TUNAR: variants seen among roughly 807,000 people sequenced by gnomAD.
TUNAR encodes the protein transmembrane neural differentiation associated intracellular calcium regulator.
chr14:95,906,667 T>C (rs1889431576), intron 2 of TUNAR, among the ~76,000 whole-genome samples: 1 of 152,230 alleles, frequency 6.6e-6, no homozygotes, highest in Non-Finnish European at 1.5e-5. Context: ...CCCTTCAGTG[T>C]GGTAATACTA....
intron 2 of TUNAR, among the ~76,000 whole-genome samples, chr14:95,877,604 TAATC>T (rs1031068065): frequency 3.9e-5 from 6 of 152,132 alleles, no homozygotes; most frequent in African/African-American, 1.2e-4. Context: ...TTGAATGACT[TAATC>T]AAGGTCACAA....
chr14:95,879,896 C>T (rs1888952135), intron 2 of TUNAR, among the ~76,000 whole-genome samples: 1 of 152,194 alleles, frequency 6.6e-6, no homozygotes, highest in African/African-American at 2.4e-5. Context: ...GGCTTGAGAC[C>T]ATGCCCTCAT....
exon 3 of TUNAR, chr14:95,923,173 A>G: frequency 7.8e-6 from 3 of 383,344 alleles, no homozygotes; most frequent in Non-Finnish European, 1.4e-5. Context: ...TGATTCCAAC[A>G]AAACTCATTC....
At chr14:95,877,720 C>G (rs970041909) in intron 2 of TUNAR, among the ~76,000 whole-genome samples, 3 of 152,226 alleles carry the variant, frequency 2.0e-5, no homozygotes, top group African/African-American at 7.2e-5. Context: ...CTTCTACTAA[C>G]TGCTTCCGTC....
In TUNAR at chr14:95,907,047, C is replaced by T. The variant is rs922586526; in HGVS notation, c.13-15734C>T. Among the ~76,000 whole-genome samples, 3 of 152,178 alleles carry T rather than the reference C, an allele frequency of 2.0e-5. No homozygotes were observed. The South Asian group carries it at 6.2e-4, about 32-fold the overall frequency. Reference sequence around the variant, plus strand: ...TAGCATACTGTTGTATGTTACATGTCTGTTGCATGCACTTTCACACTTTGC... The same window carrying T: ...TAGCATACTGTTGTATGTTACATGTTTGTTGCATGCACTTTCACACTTTGC... On this transcript the variant is annotated intron_variant, in intron 2 of 2. Transcript: ENST00000678517.
chr14:95,906,359 G>A (rs1206436204), intron 2 of TUNAR, among the ~76,000 whole-genome samples: 1 of 152,086 alleles, frequency 6.6e-6, no homozygotes, highest in Non-Finnish European at 1.5e-5. Flanking sequence ...TGTTTATACT[G>A]GTATCTCTAA....
At chr14:95,879,936 G>A (rs2139649987) in intron 2 of TUNAR, among the ~76,000 whole-genome samples, 1 of 152,270 alleles carries the variant, frequency 6.6e-6, no homozygotes, top group East Asian at 1.9e-4. Context: ...AGCATCATGG[G>A]GACACAGCCT....
chr14:95,898,133 G>A (rs1012227413), intron 2 of TUNAR, among the ~76,000 whole-genome samples: 6 of 152,152 alleles, frequency 3.9e-5, no homozygotes, highest in African/African-American at 1.2e-4. Flanking sequence ...AAAGTAAAGT[G>A]TCTGAAAATG....
At chr14:95,886,002 A>C (rs1889070165) in intron 2 of TUNAR, among the ~76,000 whole-genome samples, 1 of 152,150 alleles carries the variant, frequency 6.6e-6, no homozygotes, top group African/African-American at 2.4e-5. Flanking sequence ...GAAGGAAAGC[A>C]AGGTAGCCGC....
chr14:95,900,893 G>A (rs1290535391), intron 2 of TUNAR, among the ~76,000 whole-genome samples: 1 of 152,230 alleles, frequency 6.6e-6, no homozygotes, highest in Non-Finnish European at 1.5e-5. Context: ...GTAAAGGACA[G>A]ATGTAGCTCA....
chr14:95,883,937 G>A (rs550841034), intron 2 of TUNAR, among the ~76,000 whole-genome samples: 3 of 152,062 alleles, frequency 2.0e-5, no homozygotes, highest in East Asian at 1.9e-4. Flanking sequence ...CTTCCAGGTC[G>A]CTCTCACCTT....
At chr14:95,917,269 G>C (rs935038980) in intron 2 of TUNAR, among the ~76,000 whole-genome samples, 1 of 152,058 alleles carries the variant, frequency 6.6e-6, no homozygotes, top group Non-Finnish European at 1.5e-5. Flanking sequence ...TTTTCATACA[G>C]ATACTCAGGT....
At chr14:95,921,174 T>A (rs1889691357) in intron 2 of TUNAR, among the ~76,000 whole-genome samples, 1 of 152,226 alleles carries the variant, frequency 6.6e-6, no homozygotes, top group African/African-American at 2.4e-5. Flanking sequence ...ACAGTCTGAT[T>A]TCTTCAGTCT....
At chr14:95,886,207 G>A (rs764544009) in intron 2 of TUNAR, among the ~76,000 whole-genome samples, 1 of 152,168 alleles carries the variant, frequency 6.6e-6, no homozygotes, top group South Asian at 2.1e-4. Flanking sequence ...ACATTTGCCC[G>A]CCAGCTTCCC....
chr14:95,909,983 G>A (rs2139667474), intron 2 of TUNAR, among the ~76,000 whole-genome samples: 1 of 152,296 alleles, frequency 6.6e-6, no homozygotes, highest in Non-Finnish European at 1.5e-5. Flanking sequence ...GGTGGGACTG[G>A]AATGTGGGGG....
At chr14:95,914,832 T>C (rs1356055077) in intron 2 of TUNAR, among the ~76,000 whole-genome samples, 1 of 152,050 alleles carries the variant, frequency 6.6e-6, no homozygotes, top group African/African-American at 2.4e-5. Flanking sequence ...CCCAGTCACA[T>C]AGCTGATAAA....
rs138398807 is a variant in TUNAR at position 95,880,280 on chromosome 14, G to T, written c.12+3103G>T. Among the ~76,000 whole-genome samples the T allele has an allele frequency of 1.6e-4, 25 of 152,216 alleles. No individual in the cohort carries two copies. In the East Asian group the frequency reaches 4.8e-3, roughly 29 times the overall value. ...TTAAGGTTACATAACGTTCCAATTA[G>T]ACATTCCTATAAACAATAAGAAATT... On this transcript the variant is annotated intron_variant, in intron 2 of 2. Coordinates refer to ENST00000678517, the Ensembl canonical transcript of TUNAR.
intron 2 of TUNAR, among the ~76,000 whole-genome samples, chr14:95,879,958 C>T (rs892256182): frequency 6.6e-6 from 1 of 152,164 alleles, no homozygotes; most frequent in Non-Finnish European, 1.5e-5. Context: ...AGTGCTGTGG[C>T]ATTTCTGCAT....
At chr14:95,919,474 T>G (rs1322912864) in intron 2 of TUNAR, among the ~76,000 whole-genome samples, 1 of 152,190 alleles carries the variant, frequency 6.6e-6, no homozygotes, top group Non-Finnish European at 1.5e-5. Flanking sequence ...TTAGGGAAGC[T>G]GAGGCAGGAG....
Sources: allele counts gnomAD v4.1 joint callset (sites outside exome capture counted in the v4.1 genomes callset), GRCh38; gene constraint gnomAD v4.1.1; transcripts MANE v1.5; gene names NCBI Gene and HGNC (gene_info 2026-07-23, HGNC 2026-07-21).